Variants in GSE1 observed in about 807,000 individuals in gnomAD.
The protein encoded by GSE1 is Gse1 coiled-coil protein, also known as genetic suppressor element 1.
Under a neutral mutation model 112.6 loss-of-function variants are expected in GSE1, and 32 were observed. The observed-to-expected ratio is 0.28, with a 90% CI of 0.21 to 0.38. GSE1 has a LOEUF of 0.38. GSE1 is among the 10% of genes least tolerant of loss of function. The probability of loss-of-function intolerance (pLI) is 1.00; values close to 1 mark genes in which losing one functional copy is unlikely to be tolerated. For synonymous variants in GSE1, 1,115 were observed against 735.6 expected (o/e 1.52, Z -8.35); for missense variants, 2,348 against 1,699.2 (o/e 1.38, Z -6.71).
At chr16:85,561,721 C>T (rs538221880) in intron 1 of GSE1, among the ~76,000 whole-genome samples, 3 of 152,204 alleles carry the variant, frequency 2.0e-5, no homozygotes, top group South Asian at 2.1e-4. Context: ...ATATCTCATC[C>T]GGCCTGTCCT....
chr16:85,609,078 C>A (rs1407538341), upstream of GSE1, among the ~76,000 whole-genome samples: 1 of 152,212 alleles, frequency 6.6e-6, no homozygotes, highest in East Asian at 1.9e-4. Context: ...GTGGCGCCCG[C>A]ACCCCTGAGC....
At chr16:85,209,608 G>A (rs573962084) in intron 1 of GSE1, among the ~76,000 whole-genome samples, 3 of 152,174 alleles carry the variant, frequency 2.0e-5, no homozygotes, top group Admixed American at 1.3e-4. Context: ...GGCCTCCCGC[G>A]GCCAGCCCAA....
At chr16:85,189,031 C>G (rs760819881) in intron 1 of GSE1, among the ~76,000 whole-genome samples, 1 of 152,166 alleles carries the variant, frequency 6.6e-6, no homozygotes, top group Non-Finnish European at 1.5e-5. Flanking sequence ...GACACATTTC[C>G]CTGCACACGC....
chr16:85,304,457 G>A (rs2045611407), intron 1 of GSE1, among the ~76,000 whole-genome samples: 2 of 152,336 alleles, frequency 1.3e-5, no homozygotes. Flanking sequence ...AGGGTAGCCC[G>A]CCCGCCAGGG....
intron 1 of GSE1, among the ~76,000 whole-genome samples, chr16:85,585,016 C>T (rs2046623338): frequency 6.6e-6 from 1 of 152,160 alleles, no homozygotes; most frequent in Non-Finnish European, 1.5e-5. Flanking sequence ...ACCTCGTCTT[C>T]CAAGGCCAAA....
At chr16:85,173,486 C>T (rs963128371) in intron 1 of GSE1, among the ~76,000 whole-genome samples, 3 of 152,186 alleles carry the variant, frequency 2.0e-5, no homozygotes, top group Admixed American at 1.3e-4. Context: ...GTGGGACCCT[C>T]GTGTCCTCCA....
chr16:85,532,679 C>T (rs1426971314), intron 2 of GSE1, among the ~76,000 whole-genome samples: 1 of 152,226 alleles, frequency 6.6e-6, no homozygotes, highest in Non-Finnish European at 1.5e-5. Flanking sequence ...GAGCAGAGCC[C>T]CCAGGCTCCA....
At chr16:85,350,523 G>A (rs1483337860) in intron 1 of GSE1, among the ~76,000 whole-genome samples, 2 of 152,124 alleles carry the variant, frequency 1.3e-5, no homozygotes, top group Non-Finnish European at 2.9e-5. Context: ...AGCAGCCAGG[G>A]TGTGAGGGAC....
At chr16:85,297,869 C>T (rs1422286494) in intron 1 of GSE1, among the ~76,000 whole-genome samples, 1 of 152,132 alleles carries the variant, frequency 6.6e-6, no homozygotes, top group Non-Finnish European at 1.5e-5. Flanking sequence ...ATGAAATCTC[C>T]ATCGTGGCCT....
intron 1 of GSE1, among the ~76,000 whole-genome samples, chr16:85,231,075 GGGATGGATGGAT>G (rs56002818): frequency 0.23 from 28,075 of 123,202 alleles, 4,015 homozygotes; most frequent in Admixed American, 0.33. Flanking sequence ...GCTGGACAGA[GGGATGGATGGAT>G]GGATGGATGG....
intron 13 of GSE1, among the ~76,000 whole-genome samples, chr16:85,667,282 T>G (rs1343976848): frequency 6.6e-6 from 1 of 151,430 alleles, no homozygotes; most frequent in Non-Finnish European, 1.5e-5. Context: ...CCTCTAGATT[T>G]TAGTCACTCT....
chr16:85,256,382 C>T (rs1430596909), intron 1 of GSE1, among the ~76,000 whole-genome samples: 6 of 152,254 alleles, frequency 3.9e-5, no homozygotes, highest in Admixed American at 3.9e-4. Flanking sequence ...TAGGAGCACC[C>T]TGTATAAGGC....
upstream of GSE1, among the ~76,000 whole-genome samples, chr16:85,552,980 G>A (rs1275588033): frequency 6.6e-6 from 1 of 152,204 alleles, no homozygotes; most frequent in African/African-American, 2.4e-5. Flanking sequence ...GTGTAATCCC[G>A]GAGAATTAAA....
At chr16:85,659,497 G>C (rs772658910) in intron 8 of GSE1, 1 of 152,216 alleles carries the variant, frequency 6.6e-6, no homozygotes, top group African/African-American at 2.4e-5. Context: ...TCCCAGCTAA[G>C]TCCAGCACAA....
rs573137563 is a variant in GSE1 at position 85,295,197 on chromosome 16, C to G, written c.2284-62266C>G. Among the ~76,000 whole-genome samples the G allele has an allele frequency of 3.9e-5, 6 of 152,332 alleles. No individual in the cohort carries two copies. The East Asian group carries it at 1.2e-3, about 29-fold the overall frequency. On this transcript the variant is annotated intron_variant, in intron 1 of 2. Coordinates refer to the GSE1 transcript ENST00000637419. ...CAGCGGTTACTCCATGCCCCGCTTC[C>G]CAGGGCCTCCGCACACACCGGTCCA...
At chr16:85,602,496 C>T (rs878882753) in intron 1 of GSE1, among the ~76,000 whole-genome samples, 3 of 152,078 alleles carry the variant, frequency 2.0e-5, no homozygotes, top group South Asian at 2.1e-4. Context: ...CCGGTGTGAG[C>T]GAGCTCCCCT....
At chr16:85,465,815 CTGAG>C (rs1336786531) in intron 2 of GSE1, among the ~76,000 whole-genome samples, 1 of 152,256 alleles carries the variant, frequency 6.6e-6, no homozygotes. Context: ...TTCCAAGCTA[CTGAG>C]TATGTAGTAG....
intron 2 of GSE1, among the ~76,000 whole-genome samples, chr16:85,516,824 G>T (rs2051958955): frequency 1.4e-5 from 2 of 147,076 alleles, no homozygotes; most frequent in Admixed American, 1.4e-4. Flanking sequence ...TTGAGACGGA[G>T]TCTCGCTCTA....
In GSE1 at chr16:85,656,333, T is replaced by C. The variant is rs186207433; in HGVS notation, c.990-10T>C. 32 of 1,610,120 alleles carry C rather than the reference T, an allele frequency of 2.0e-5. No individual in the cohort carries two copies. In the African/African-American group the frequency reaches 2.8e-4, roughly 14 times the overall value. On this transcript the variant is annotated splice_polypyrimidine_tract_variant and intron_variant, in intron 6 of 15. Transcript: ENST00000253458. Reference sequence around the variant, plus strand: ...GCAGCAGAGCCCCCAACTCTTTCCATGTGCTGCAGGCTGCAGATGGACGAG... The same window carrying C: ...GCAGCAGAGCCCCCAACTCTTTCCACGTGCTGCAGGCTGCAGATGGACGAG...
Sources: gnomAD v4.1 joint callset for allele counts (sites outside exome capture counted in the v4.1 genomes callset) on GRCh38, gnomAD v4.1.1 for gene constraint, MANE v1.5 for transcripts, NCBI Gene and HGNC (gene_info 2026-07-23, HGNC 2026-07-21) for gene names.